The following TCHP variants were observed in gnomAD, a reference collection of about 807,000 sequenced individuals.
The protein encoded by TCHP is trichoplein keratin filament binding.
TCHP carries 81 observed loss-of-function variants against 88.7 expected under a neutral mutation model. The ratio of observed to expected loss-of-function variants is 0.91; its 90% CI spans 0.76 to 1.10. TCHP has a LOEUF of 1.10. Ranked by LOEUF, TCHP falls within the 50% of genes least tolerant of loss-of-function variation. The probability of loss-of-function intolerance (pLI) is 0.00; values close to 1 mark genes in which losing one functional copy is unlikely to be tolerated. For synonymous variants in TCHP, 232 were observed against 232.5 expected, an observed-to-expected ratio of 1.00 and a Z score of 0.02; for missense variants, 641 against 632.1, an observed-to-expected ratio of 1.01 and a Z score of -0.15.
chr12:109,896,727 A>G (rs1869569135), upstream of TCHP, among the ~76,000 whole-genome samples: 1 of 152,048 alleles, frequency 6.6e-6, no homozygotes, highest in Non-Finnish European at 1.5e-5. Context: ...CCTGGGCAAC[A>G]TGGCAAAACC....
Position 109,911,146 on chromosome 12 carries a change from C to A in TCHP, c.963C>A (p.Val321=). 1 of 1,597,444 alleles carries A rather than the reference C, an allele frequency of 6.3e-7. No homozygotes were observed. Among genetic ancestry groups the A allele is most frequent in the Non-Finnish European group, 8.5e-7 (1 of 1,173,952 alleles). The change falls in exon 9 of 13, where the codon GTC becomes GTA. Residue 321 remains valine, a synonymous_variant. Coordinates refer to ENST00000405876, the MANE Select transcript of TCHP (RefSeq NM_001143852.2). ...QRLHLARREQ[V]MADVAWMKQA... Reference sequence around the variant, plus strand: ...TCCACCTGGCCAGGCGGGAGCAGGTCATGGCCGATGTGGCCTGGATGAAGC... The same window carrying A: ...TCCACCTGGCCAGGCGGGAGCAGGTAATGGCCGATGTGGCCTGGATGAAGC...
chr12:109,913,691 A>T (rs2136081869), intron 10 of TCHP, among the ~76,000 whole-genome samples: 1 of 152,280 alleles, frequency 6.6e-6, no homozygotes, highest in South Asian at 2.1e-4. Flanking sequence ...GAGAAGAGAG[A>T]GTGTTACCCA....
At chr12:109,914,664 G>A (rs765178966) in intron 11 of TCHP, 37 bp downstream of exon 11, 12 of 1,566,844 alleles carry the variant, frequency 7.7e-6, no homozygotes, top group Non-Finnish European at 1.0e-5. Flanking sequence ...CACCGGGCCT[G>A]CCAGGTTCTC....
the TCHP span, among the ~76,000 whole-genome samples, chr12:109,883,041 CTTTTTTTTT>C: frequency 1.5e-4 from 21 of 137,074 alleles, 1 homozygote; most frequent in East Asian, 8.4e-4. Context: ...TTTTTTTTTT[CTTTTTTTTT>C]TTTTGAGAGA....
chr12:109,913,978 C>T (rs1297603048), intron 10 of TCHP, among the ~76,000 whole-genome samples: 1 of 152,040 alleles, frequency 6.6e-6, no homozygotes, highest in Non-Finnish European at 1.5e-5. Context: ...GTTCAGATGT[C>T]ACACGGCTCT....
the TCHP span, among the ~76,000 whole-genome samples, chr12:109,882,576 G>A: frequency 6.6e-6 from 1 of 151,668 alleles, no homozygotes; most frequent in South Asian, 2.1e-4. Flanking sequence ...TAGGGTGATA[G>A]GAGTTGAGGT....
In TCHP at chr12:109,905,054, C is replaced by A; in HGVS notation, c.456+261C>A. 2.1e-6 allele frequency: 1 copy of A among 481,116 alleles called. No homozygotes were observed. The highest frequency in any genetic ancestry group is 3.7e-6 in the Non-Finnish European group (1 of 268,832). 29.8% of individuals were successfully genotyped at this position (481,116 alleles called of 1,614,324 possible). On this transcript the variant is annotated intron_variant, in intron 4 of 12. Transcript: ENST00000405876. This position sits in a 1 kb window ranked among gnomAD's most constrained non-coding sequence, Gnocchi z 4.0. ...ATTAGACATGGTTTCTGCTCATTAG[C>A]TTGTGTCCAGCATGGGAGCTCATTA...
At chr12:109,889,092 G>T in the TCHP span, among the ~76,000 whole-genome samples, 6 of 151,964 alleles carry the variant, frequency 3.9e-5, no homozygotes, top group Admixed American at 1.3e-4. Flanking sequence ...ACTTTCGGAG[G>T]ATGAGGAGGG....
chr12:109,897,534 ATTTCTTTTTCT>A (rs752420713), upstream of TCHP, among the ~76,000 whole-genome samples: 3,302 of 150,670 alleles, frequency 0.022, 105 homozygotes, highest in African/African-American at 0.076. Context: ...CAACTCACAT[ATTTCTTTTTCT>A]TTTCTTTTCT....
At chr12:109,908,169 G>A (rs980634357) in intron 6 of TCHP, among the ~76,000 whole-genome samples, 6 of 152,208 alleles carry the variant, frequency 3.9e-5, no homozygotes, top group Admixed American at 3.9e-4. Flanking sequence ...CCATGCTCCT[G>A]TGACCTCACT....
intron 9 of TCHP, among the ~76,000 whole-genome samples, chr12:109,912,627 C>T (rs1456847023): frequency 6.6e-6 from 1 of 152,076 alleles, no homozygotes; most frequent in Non-Finnish European, 1.5e-5. Context: ...CCTGTCTCTA[C>T]TAAAAATACA....
chr12:109,899,150 A>G (rs903091414), upstream of TCHP, among the ~76,000 whole-genome samples: 1 of 152,232 alleles, frequency 6.6e-6, no homozygotes, highest in Non-Finnish European at 1.5e-5. Context: ...GGAAAAACAG[A>G]GATGAATAAA....
In TCHP at chr12:109,903,016, C is replaced by T. The variant is rs1869890625; in HGVS notation, c.1-11C>T. On this transcript the variant is annotated splice_polypyrimidine_tract_variant and intron_variant, in intron 1 of 12. Coordinates refer to ENST00000405876, the MANE Select transcript of TCHP (RefSeq NM_001143852.2). This position sits in a 1 kb window ranked among gnomAD's most constrained non-coding sequence, Gnocchi z 4.6. ...TGCAGTGGCTCACTTTCCTCCCATT[C>T]CTGTTCTCAGATGGCGCTCCCGACG... is the stretch of plus-strand genomic sequence containing the variant. 3 of 1,589,030 alleles carry T rather than the reference C, an allele frequency of 1.9e-6. No individual in the cohort carries two copies. In the South Asian group the frequency reaches 3.4e-5, roughly 18 times the overall value.
the TCHP span, among the ~76,000 whole-genome samples, chr12:109,884,477 T>C: frequency 1.3e-5 from 2 of 152,210 alleles, no homozygotes; most frequent in South Asian, 2.1e-4. Flanking sequence ...CATGAGCCAC[T>C]GCACCCGGCC....
Position 109,916,852 on chromosome 12 carries a change from G to A in TCHP, c.*229G>A. The A allele has an allele frequency of 1.9e-6, 1 of 535,818 alleles. No individual in the cohort carries two copies. Among genetic ancestry groups the A allele is most frequent in the South Asian group, 2.5e-5 (1 of 40,036 alleles). The allele number at this position is 535,818 out of a possible 1,614,324, so 33.2% of individuals were successfully genotyped here. A position where few individuals can be genotyped will look rare whatever the true frequency, so the allele number is the denominator to read the frequency against. On this transcript the variant is annotated 3_prime_UTR_variant, in exon 13 of 13. Coordinates refer to ENST00000405876, the MANE Select transcript of TCHP (RefSeq NM_001143852.2). ...TTACCCAAGCAAGGGTCTTTGATGG[G>A]CACGTGTTTACAGCGCTGCTGCATA...
intron 1 of TCHP, among the ~76,000 whole-genome samples, chr12:109,901,390 C>T (rs1041125820): frequency 6.6e-6 from 1 of 152,122 alleles, no homozygotes; most frequent in Non-Finnish European, 1.5e-5. Context: ...CATGAATTAG[C>T]TCTCCCTTAG....
chr12:109,913,132 C>T, intron 10 of TCHP, 60 bp downstream of exon 10: 1 of 1,506,800 alleles, frequency 6.6e-7, no homozygotes, highest in Non-Finnish European at 9.2e-7. Context: ...GTCTGGAAGT[C>T]CATGGTCAGT....
At chr12:109,904,871 A>G (rs1870039658) in intron 4 of TCHP, 78 bp downstream of exon 4, 2 of 1,349,614 alleles carry the variant, frequency 1.5e-6, no homozygotes, top group Non-Finnish European at 2.1e-6. Flanking sequence ...TTGAACACGT[A>G]TCTTGTACCG....
rs1870220774 is a variant in TCHP, at chr12:109,907,624, G to A, written c.624G>A (p.Arg208=). Residue 208 remains arginine, a synonymous_variant, in exon 6 of 13, where the codon AGG becomes AGA. Coordinates refer to ENST00000405876, the MANE Select transcript of TCHP (RefSeq NM_001143852.2). The part of the protein sequence containing the change: ...ALERMKAEEE[R]RQLEDKLQAE... ...AAAGGATGAAAGCTGAAGAGGAGAG[G>A]AGGCAGCTGGAGGACAAGCTCCAGG... 3.7e-6 allele frequency: 6 copies of A among 1,614,028 alleles called. No homozygotes were observed. Among genetic ancestry groups the A allele is most frequent in the Non-Finnish European group, 5.1e-6 (6 of 1,180,018 alleles).
Sources: allele counts gnomAD v4.1 joint callset (sites outside exome capture counted in the v4.1 genomes callset), GRCh38; gene constraint gnomAD v4.1.1; non-coding constraint Gnocchi (gnomAD v3.1); transcripts MANE v1.5; gene names NCBI Gene and HGNC (gene_info 2026-07-23, HGNC 2026-07-21).